The following MAGED2 variants were observed in gnomAD, a reference collection of about 807,000 sequenced individuals.
MAGED2 encodes the protein melanoma-associated antigen D2.
Under a neutral mutation model 41.7 loss-of-function variants are expected in MAGED2, and 6 were observed. The ratio of observed to expected loss-of-function variants is 0.14; its 90% confidence interval spans 0.08 to 0.28. MAGED2 has a LOEUF of 0.28. Ranked by LOEUF, MAGED2 falls within the 10% of genes least tolerant of loss-of-function variation. The pLI, the probability that MAGED2 is intolerant of heterozygous loss-of-function variation, is 1.00. For missense variants in MAGED2, 343 were observed against 486.4 expected, an observed-to-expected ratio of 0.71 and a Z score of 2.77; for synonymous variants, 146 against 178.2, an observed-to-expected ratio of 0.82 and a Z score of 1.44.
intron 9 of MAGED2, 122 bp downstream of exon 9, chrX:54,813,282 G>T (rs112709539): frequency 4.6e-6 from 5 of 1,087,622 alleles, no homozygotes; most frequent in Non-Finnish European, 6.2e-6. Flanking sequence ...TGGGTAGAGG[G>T]CCCAGGGTTC....
rs1333408164 is a variant in MAGED2 at position 54,811,327 on chromosome X, A to G, written c.910+14A>G. The G allele has an allele frequency of 8.3e-7, 1 of 1,201,580 alleles. No homozygotes were observed. The highest frequency in any genetic ancestry group is 1.7e-5 in the African/African-American group (1 of 57,708). On this transcript the variant is annotated intron_variant, in intron 5 of 12. Transcript: ENST00000375068. Reference sequence around the variant, plus strand: ...TCAAGCGCTCGGGTAAAGTCCTACCAATCCTCCCTCTGCCCTGAGCTCTGC... The same window carrying G: ...TCAAGCGCTCGGGTAAAGTCCTACCGATCCTCCCTCTGCCCTGAGCTCTGC...
chrX:54,812,342 A>G (rs1929833994), intron 7 of MAGED2, 91 bp downstream of exon 7: 1 of 540,521 alleles, frequency 1.9e-6, no homozygotes, highest in Non-Finnish European at 3.0e-6. Context: ...ATCCTCTTAG[A>G]GAGTCAGGAA....
chrX:54,815,295 G>A lies in MAGED2; in HGVS notation c.1434G>A (p.Ala478=), dbSNP rs1383749514. 3 of 1,168,755 alleles carry A rather than the reference G, an allele frequency of 2.6e-6. No homozygotes were observed. Among genetic ancestry groups the A allele is most frequent in the Non-Finnish European group, 2.3e-6 (2 of 876,474 alleles). ...PKEWAAQYRE[A]MEADLKAAAE... Reference sequence around the variant, plus strand: ...AATGGGCAGCTCAGTACCGAGAGGCGATGGAAGCGGATTTGAAGGCTGCAG... The same window carrying A: ...AATGGGCAGCTCAGTACCGAGAGGCAATGGAAGCGGATTTGAAGGCTGCAG... Residue 478 remains alanine (A), a synonymous_variant, in exon 12 of 13, where the codon GCG becomes GCA. Transcript: ENST00000375068.
intron 7 of MAGED2, 124 bp downstream of exon 7, chrX:54,812,375 T>C: frequency 1.6e-5 from 7 of 432,053 alleles, no homozygotes; most frequent in Non-Finnish European, 4.0e-6. Context: ...AAAAGCCCCG[T>C]CCCAGTTCCT....
chrX:54,807,820 T>C lies in MAGED2; in HGVS notation c.-30+18T>C, dbSNP rs902044259. The C allele has an allele frequency of 3.5e-5, 4 of 113,001 alleles. No individual in the cohort carries two copies. The highest frequency in any genetic ancestry group is 2.8e-4 in the Admixed American group (3 of 10,595). 9.3% of individuals were successfully genotyped at this position (113,001 alleles called of 1,213,427 possible). ...AGGACAAGGTGAGGGGCGTTGATAT[T>C]GGGGTTTTATGGAGGTCAGACAGTG... is the stretch of plus-strand genomic sequence containing the variant. On this transcript the variant is annotated intron_variant, in intron 1 of 12. Coordinates refer to ENST00000375068, the MANE Select transcript of MAGED2 (RefSeq NM_177433.3).
chrX:54,809,051 G>A (rs1390719195), intron 1 of MAGED2: 3 of 382,310 alleles, frequency 7.8e-6, no homozygotes, highest in Non-Finnish European at 1.4e-5. Context: ...GCTGGGTGGG[G>A]GGTGCACTGG....
chrX:54,815,821 T>C, intron 12 of MAGED2, 60 bp from the exon 13 acceptor site: 1 of 457,984 alleles, frequency 2.2e-6, no homozygotes, highest in Non-Finnish European at 3.7e-6. Context: ...TGGCATTTTA[T>C]TCCTTTCTGT....
chrX:54,814,814 A>G (rs1362979243), intron 11 of MAGED2, 39 bp downstream of exon 11: 4 of 1,053,314 alleles, frequency 3.8e-6, no homozygotes, highest in Admixed American at 2.2e-5. Flanking sequence ...AGTCAAGAGC[A>G]TGGGGTGCCC....
At chrX:54,815,209 A>G in intron 11 of MAGED2, 39 bp from the exon 12 acceptor site, 1 of 1,137,687 alleles carries the variant, frequency 8.8e-7, no homozygotes, top group Non-Finnish European at 1.2e-6. Context: ...CTATGGCTTA[A>G]TCCCTCTATG....
rs774915627 is a variant in MAGED2 at position 54,813,559 on chromosome X, CTCTG to C, written c.1271+14_1271+17del. 1.8e-5 allele frequency: 21 copies of C among 1,198,034 alleles called. No individual in the cohort carries two copies. The highest frequency in any genetic ancestry group is 3.5e-5 in the African/African-American group (2 of 57,043). On this transcript the variant is annotated intron_variant, in intron 10 of 12. Coordinates refer to ENST00000375068, the MANE Select transcript of MAGED2 (RefSeq NM_177433.3). ...GAGTTTGTGAAGCAGAAGTAAGTAT[CTCTG>C]TCTGGTGTTCATGTGTCCCATGCAT... is the stretch of plus-strand genomic sequence containing the variant.
At chrX:54,812,080 C>T in intron 6 of MAGED2, 77 bp from the exon 7 acceptor site, 1 of 590,574 alleles carries the variant, frequency 1.7e-6, no homozygotes, top group Non-Finnish European at 2.9e-6. Context: ...ATGCGAAACT[C>T]CTAGGTACAT....
rs1929920348 is a variant in MAGED2, at chrX:54,815,104, A to G, written c.1387-144A>G. 1.3e-5 allele frequency: 9 copies of G among 683,822 alleles called. No individual in the cohort carries two copies. The Admixed American group carries it at 2.1e-4, about 16-fold the overall frequency. 56.4% of individuals were successfully genotyped at this position (683,822 alleles called of 1,213,427 possible). A position where few individuals can be genotyped will look rare whatever the true frequency, so the allele number is the denominator to read the frequency against. ...TGTATTATTACTATTATCTTTTTAT[A>G]CTAAGCATGTAGCATAGTGCCTAGC... On this transcript the variant is annotated intron_variant, in intron 11 of 12. Transcript: ENST00000375068.
At chrX:54,811,759 A>C in intron 6 of MAGED2, 106 bp downstream of exon 6, 2 of 574,643 alleles carry the variant, frequency 3.5e-6, no homozygotes, top group African/African-American at 2.2e-5. Flanking sequence ...ATCCAGCTCC[A>C]TCGCTATGCT....
rs144492531 is a variant in MAGED2, at chrX:54,811,986, C to A, written c.991-171C>A. On this transcript the variant is annotated intron_variant, in intron 6 of 12. Coordinates refer to ENST00000375068, the MANE Select transcript of MAGED2 (RefSeq NM_177433.3). ...CCACTCACCACAAAGATGATGATGA[C>A]AATAGTACATTTGCAGCGTGTTTAC... Among the ~76,000 whole-genome samples, 2,381 of 112,050 alleles carry A rather than the reference C, an allele frequency of 0.021. 49 individuals carry two copies. Among genetic ancestry groups the A allele is most frequent in the African/African-American group, 0.072 (2,221 of 30,755 alleles).
In MAGED2 at chrX:54,810,844, G is replaced by C. The variant is rs12014977; in HGVS notation, c.561G>C (p.Glu187Asp). 4,634 of 1,174,521 alleles carry C rather than the reference G, an allele frequency of 3.9e-3. 100 individuals carry two copies. The African/African-American group carries it at 0.073, about 19-fold the overall frequency. The change falls in exon 4 of 13, where the codon GAG becomes GAC. Residue 187 changes from glutamate to aspartate, a missense_variant. Transcript: ENST00000375068. ...ARKVKHLDGEEDGSSDQSQAS... is the reference protein window; with the variant it reads ...ARKVKHLDGEDDGSSDQSQAS... ...AGGTGAAGCATCTGGATGGGGAAGA[G>C]GATGGCAGCAGTGATCAGAGTCAGG... is the stretch of plus-strand genomic sequence containing the variant.
At chrX:54,808,056 G>C (rs1166413807) in intron 1 of MAGED2, among the ~76,000 whole-genome samples, 8 of 109,339 alleles carry the variant, frequency 7.3e-5, no homozygotes, top group Admixed American at 6.8e-4. Context: ...GGAATACAAG[G>C]AGGGAGGGGA....
At position 54,810,181 on chromosome X, in the gene MAGED2, C is replaced by T. The variant is rs1186714497; in HGVS notation, c.505C>T (p.Arg169Trp). The T allele has an allele frequency of 3.4e-6, 4 of 1,166,110 alleles. No individual in the cohort carries two copies. The highest frequency in any genetic ancestry group is 1.8e-5 in the African/African-American group (1 of 55,835). Reference protein sequence around the residue: ...AAQSQENQDTRPKVKAKKARK... With the variant: ...AAQSQENQDTWPKVKAKKARK... ...CCAGTCTCAGGAGAATCAGGATACT[C>T]GGCCCAAGGTCAAAGCCAAGAAAGC... Residue 169 changes from arginine to tryptophan, a missense_variant, in exon 3 of 13, where the codon CGG becomes TGG. Arg to Trp is a moderately radical substitution (Grantham distance 101, BLOSUM62 -3). Coordinates refer to ENST00000375068, the MANE Select transcript of MAGED2 (RefSeq NM_177433.3).
chrX:54,810,422 G>T (rs913989778), intron 3 of MAGED2, among the ~76,000 whole-genome samples: 2 of 112,433 alleles, frequency 1.8e-5, no homozygotes, highest in Admixed American at 1.9e-4. Flanking sequence ...CATAGTAGCT[G>T]CCCTGTATTA....
chrX:54,811,517 C>A, intron 5 of MAGED2, 57 bp from the exon 6 acceptor site: 1 of 1,023,139 alleles, frequency 9.8e-7, no homozygotes, highest in Non-Finnish European at 1.4e-6. Context: ...ATAGCTTGGG[C>A]ATCAGGGCCA....
Sources: allele counts gnomAD v4.1 joint callset (sites outside exome capture counted in the v4.1 genomes callset), GRCh38; gene constraint gnomAD v4.1.1; transcripts MANE v1.5; gene names NCBI Gene and HGNC (gene_info 2026-07-23, HGNC 2026-07-21).